Variants in DMD observed in about 807,000 individuals in gnomAD.
DMD encodes mutant dystrophin.
A neutral mutation model predicts 330.1 loss-of-function variants in DMD; 63 were observed. The ratio of observed to expected loss-of-function variants is 0.19; its 90% CI spans 0.16 to 0.24. DMD has a LOEUF of 0.24. DMD is among the 10% of genes least tolerant of loss of function. The probability of loss-of-function intolerance (pLI) is 1.00; values close to 1 mark genes in which losing one functional copy is unlikely to be tolerated. For missense variants in DMD, 3,344 were observed against 2,684.1 expected (o/e 1.25, Z -5.43); for synonymous variants, 1,223 against 959.8 (o/e 1.27, Z -5.07).
At chrX:32,691,315 T>C (rs2063264043) in intron 9 of DMD, among the ~76,000 whole-genome samples, 1 of 99,823 alleles carries the variant, frequency 1.0e-5, no homozygotes, top group Admixed American at 1.0e-4. Flanking sequence ...CTACAACTCA[T>C]TGGCAAAAAA....
At chrX:33,156,377 C>T (rs906348295) in intron 1 of DMD, among the ~76,000 whole-genome samples, 1 of 112,191 alleles carries the variant, frequency 8.9e-6, no homozygotes, top group African/African-American at 3.2e-5. Flanking sequence ...GCACTGGTGG[C>T]TAAAATGTCC....
intron 1 of DMD, among the ~76,000 whole-genome samples, chrX:33,033,645 G>A (rs1429741997): frequency 1.8e-5 from 2 of 109,395 alleles, no homozygotes; most frequent in African/African-American, 6.7e-5. Context: ...CTGAACCCGG[G>A]AGGCGGAGCT....
chrX:31,592,613 G>A (rs1430345170), intron 55 of DMD, among the ~76,000 whole-genome samples: 1 of 109,204 alleles, frequency 9.2e-6, no homozygotes, highest in Non-Finnish European at 1.9e-5. Flanking sequence ...CAATCACTTC[G>A]ATTACGTTTG....
intron 44 of DMD, among the ~76,000 whole-genome samples, chrX:32,145,071 T>G (rs371303236): frequency 1.8e-5 from 2 of 111,771 alleles, no homozygotes; most frequent in African/African-American, 6.5e-5. Context: ...ATTCACACTT[T>G]GAAATCTATT....
intron 30 of DMD, among the ~76,000 whole-genome samples, chrX:32,391,011 T>C (rs2097998113): frequency 2.7e-5 from 3 of 112,088 alleles, no homozygotes; most frequent in Admixed American, 9.5e-5. Context: ...ATATATTCAA[T>C]AAAGACATTT....
At position 31,178,600 on chromosome X, in the gene DMD, G is replaced by A. The variant is rs1318751714; in HGVS notation, c.10223+69C>T. The stretch of plus-strand genomic sequence containing the variant: ...ACTGTTTGCATTTGGGAGTGAAGGA[G>A]GGTGTTCAGCTGAGAGGAGTTCAAA... On this transcript the variant is annotated intron_variant, in intron 70 of 78. Transcript: ENST00000357033. 9 of 1,140,760 alleles carry A rather than the reference G, an allele frequency of 7.9e-6. No individual in the cohort carries two copies. In the East Asian group the frequency reaches 1.8e-4, roughly 23 times the overall value. The allele number at this position is 1,140,760 out of a possible 1,213,427, so 94.0% of individuals were successfully genotyped here. A position where few individuals can be genotyped will look rare whatever the true frequency, so the allele number is the denominator to read the frequency against.
intron 42 of DMD, among the ~76,000 whole-genome samples, chrX:32,297,151 CTCTG>C (rs1328423954): frequency 9.0e-6 from 1 of 111,496 alleles, no homozygotes; most frequent in African/African-American, 3.3e-5. Flanking sequence ...AGGTTTCTCT[CTCTG>C]TGTCTGACAG....
Position 32,299,896 on chromosome X carries a change from C to A in DMD, c.6117+10186G>T, listed in dbSNP as rs112317821. On this transcript the variant is annotated intron_variant, in intron 42 of 78. Coordinates refer to ENST00000357033, the MANE Select transcript of DMD (RefSeq NM_004006.3). ...CTAAGGATTCCTCCTCTATAAAATT[C>A]CTCCTAGTTTCTGCTTTTTGTGCTG... 1.8e-3 allele frequency among the ~76,000 whole-genome samples: 203 copies of A among 111,451 alleles called. 1 individual carries two copies. Among genetic ancestry groups the A allele is most frequent in the Non-Finnish European group, 3.2e-3 (170 of 52,915 alleles).
At chrX:32,738,340 G>A (rs1440963880) in intron 7 of DMD, among the ~76,000 whole-genome samples, 2 of 111,128 alleles carry the variant, frequency 1.8e-5, no homozygotes, top group Non-Finnish European at 3.8e-5. Context: ...TAAGACACTG[G>A]GCTTCGACAT....
At chrX:32,331,629 T>C (rs759956926) in intron 41 of DMD, among the ~76,000 whole-genome samples, 2 of 111,637 alleles carry the variant, frequency 1.8e-5, no homozygotes, top group Non-Finnish European at 3.8e-5. Context: ...ATGATGACTG[T>C]AGTCTATTAC....
intron 7 of DMD, among the ~76,000 whole-genome samples, chrX:32,802,274 G>A (rs1444090387): frequency 9.0e-6 from 1 of 111,500 alleles, no homozygotes; most frequent in African/African-American, 3.3e-5. Flanking sequence ...TGTAGCAATT[G>A]TAAATGGGAG....
In DMD at chrX:33,133,084, T is replaced by C. The variant is rs182574640; in HGVS notation, c.31+78198A>G. ...AGATGGGTTTTCTTCCTTTTAGTAA[T>C]ATGTTTGCCATATCTTTGATTTTAA... On this transcript the variant is annotated intron_variant, in intron 1 of 78. Transcript: ENST00000357033. Among the ~76,000 whole-genome samples, 54 of 111,152 alleles carry C rather than the reference T, an allele frequency of 4.9e-4. 2 individuals carry two copies. The highest frequency in any genetic ancestry group is 4.8e-3 in the Admixed American group (50 of 10,431).
intron 44 of DMD, among the ~76,000 whole-genome samples, chrX:32,027,995 T>A (rs2095858745): frequency 9.0e-6 from 1 of 110,688 alleles, no homozygotes; most frequent in South Asian, 3.8e-4. Flanking sequence ...CTATGAAGAG[T>A]AGAGAATAAA....
intron 2 of DMD, among the ~76,000 whole-genome samples, chrX:32,999,957 C>A: frequency 8.9e-6 from 1 of 112,503 alleles, no homozygotes; most frequent in South Asian, 3.6e-4. Context: ...TTCTTTTGAT[C>A]ACTCTCCCAT....
chrX:32,419,072 T>G (rs2098178762), intron 29 of DMD, among the ~76,000 whole-genome samples: 1 of 109,904 alleles, frequency 9.1e-6, no homozygotes, highest in Non-Finnish European at 1.9e-5. Flanking sequence ...AGGAACACTT[T>G]ATTTTCCATA....
At chrX:33,069,274 A>G (rs1347227888) in intron 1 of DMD, among the ~76,000 whole-genome samples, 1 of 110,507 alleles carries the variant, frequency 9.0e-6, no homozygotes, top group African/African-American at 3.3e-5. Flanking sequence ...GTGTTGCTCT[A>G]ATCTCAATTT....
chrX:33,301,005 C>T (rs2053653247), intron 1 of DMD, among the ~76,000 whole-genome samples: 1 of 111,571 alleles, frequency 9.0e-6, no homozygotes, highest in South Asian at 3.7e-4. Flanking sequence ...AGCAAAGAGA[C>T]CAATTAACAA....
chrX:32,538,921 T>TG (rs1412314074), intron 17 of DMD, among the ~76,000 whole-genome samples: 1 of 110,295 alleles, frequency 9.1e-6, no homozygotes, highest in African/African-American at 3.3e-5. Flanking sequence ...TCAGCAGGTT[T>TG]GGGAAGGGCC....
intron 43 of DMD, among the ~76,000 whole-genome samples, chrX:32,257,468 T>C (rs951247576): frequency 5.4e-5 from 6 of 111,109 alleles, no homozygotes; most frequent in Non-Finnish European, 1.1e-4. Context: ...GCAAAACAGA[T>C]ATATAGACCA....
Sources: allele counts gnomAD v4.1 joint callset (sites outside exome capture counted in the v4.1 genomes callset), GRCh38; gene constraint gnomAD v4.1.1; transcripts MANE v1.5; gene names NCBI Gene and HGNC (gene_info 2026-07-23, HGNC 2026-07-21).